The following HDGFL3 variants were observed in gnomAD, a reference collection of about 807,000 sequenced individuals.
The protein encoded by HDGFL3 is hepatoma-derived growth factor-related protein 3.
In HDGFL3, 6 loss-of-function variants were observed where a neutral mutation model predicts 27.6. The observed-to-expected ratio is 0.22, with a 90% confidence interval of 0.12 to 0.43. The LOEUF (loss-of-function observed/expected upper bound fraction) is 0.43, where lower values mean the gene tolerates loss of function less well. Ranked by LOEUF, HDGFL3 falls within the 20% of genes least tolerant of loss-of-function variation. The pLI is 1.00. For missense variants in HDGFL3, 207 were observed against 250.1 expected (o/e 0.83, Z 1.16); for synonymous variants, 88 against 88.9 (o/e 0.99, Z 0.05).
intron 3 of HDGFL3, among the ~76,000 whole-genome samples, chr15:83,121,294 C>T (rs2035224477): frequency 6.6e-6 from 1 of 150,510 alleles, no homozygotes. Context: ...GTTGGCCAGG[C>T]TGGTTTCAAA....
At chr15:83,175,464 G>T (rs2037297463) in intron 1 of HDGFL3, among the ~76,000 whole-genome samples, 1 of 152,184 alleles carries the variant, frequency 6.6e-6, no homozygotes. Context: ...CTTCTGGAGT[G>T]ATTATCAAGT....
intron 1 of HDGFL3, among the ~76,000 whole-genome samples, chr15:83,196,818 GA>G (rs2037575816): frequency 6.6e-6 from 1 of 152,186 alleles, no homozygotes; most frequent in African/African-American, 2.4e-5. Flanking sequence ...ATAAGCAAAA[GA>G]TAGGAAGGTG....
chr15:83,119,149 C>T (rs548803348), intron 3 of HDGFL3, among the ~76,000 whole-genome samples: 1 of 152,224 alleles, frequency 6.6e-6, no homozygotes, highest in South Asian at 2.1e-4. Context: ...GCCCAGCAAG[C>T]CACGGGATCA....
intron 1 of HDGFL3, among the ~76,000 whole-genome samples, chr15:83,198,496 A>ATCTTTTC (rs1416836743): frequency 6.6e-6 from 1 of 152,196 alleles, no homozygotes; most frequent in East Asian, 1.9e-4. Context: ...ACAACTTGAA[A>ATCTTTTC]ATTTTTTTGT....
chr15:83,166,609 C>T (rs887786998), intron 1 of HDGFL3, among the ~76,000 whole-genome samples: 7 of 152,088 alleles, frequency 4.6e-5, no homozygotes, highest in Admixed American at 2.6e-4. Context: ...AAGAAGAACC[C>T]GAGACAGGGT....
chr15:83,142,806 C>T (rs2036804131), intron 5 of HDGFL3, among the ~76,000 whole-genome samples: 1 of 152,010 alleles, frequency 6.6e-6, no homozygotes, highest in Admixed American at 6.6e-5. Context: ...ATCTAGTTGT[C>T]TTCTATCAAA....
chr15:83,165,667 C>CTA (rs777224308), intron 1 of HDGFL3, among the ~76,000 whole-genome samples: 9 of 151,850 alleles, frequency 5.9e-5, no homozygotes, highest in Non-Finnish European at 1.3e-4. Context: ...TGGTGATGGG[C>CTA]ACCTGTAGTC....
rs142520538 is a variant in HDGFL3 at position 83,186,448 on chromosome 15, A to G, written c.84+20883T>C. Reference sequence around the variant, plus strand: ...GTCTCATTTAGTTTATACTCAAACTACTGGTTAAAGATGGAAGGCTAAGAC... The same window carrying G: ...GTCTCATTTAGTTTATACTCAAACTGCTGGTTAAAGATGGAAGGCTAAGAC... On this transcript the variant is annotated intron_variant, in intron 1 of 5. Coordinates refer to ENST00000299633, the MANE Select transcript of HDGFL3 (RefSeq NM_016073.4). 7.1e-3 allele frequency among the ~76,000 whole-genome samples: 1,084 copies of G among 152,304 alleles called. 4 individuals carry two copies. The highest frequency in any genetic ancestry group is 0.014 in the Middle Eastern group (4 of 294).
At chr15:83,158,968 C>T (rs1411456145) in intron 2 of HDGFL3, among the ~76,000 whole-genome samples, 2 of 151,934 alleles carry the variant, frequency 1.3e-5, no homozygotes, top group Non-Finnish European at 2.9e-5. Flanking sequence ...CTCAGCCTTC[C>T]AAGTAGGGGA....
chr15:83,122,329 A>G (rs2035337101), intron 3 of HDGFL3, among the ~76,000 whole-genome samples: 1 of 152,114 alleles, frequency 6.6e-6, no homozygotes, highest in East Asian at 1.9e-4. Flanking sequence ...CACTATGAGA[A>G]CTCCAAAAAT....
intron 4 of HDGFL3, among the ~76,000 whole-genome samples, chr15:83,155,883 C>T (rs1273056936): frequency 6.6e-6 from 1 of 152,152 alleles, no homozygotes; most frequent in Non-Finnish European, 1.5e-5. Context: ...ATCCATTTAT[C>T]TTGCTTTCAG....
intron 5 of HDGFL3, among the ~76,000 whole-genome samples, chr15:83,140,870 C>G (rs2151392876): frequency 6.6e-6 from 1 of 152,270 alleles, no homozygotes; most frequent in African/African-American, 2.4e-5. Context: ...ACAGTAAAAA[C>G]TACTCAATCC....
chr15:83,191,627 A>T (rs576835397), intron 1 of HDGFL3, among the ~76,000 whole-genome samples: 18 of 152,212 alleles, frequency 1.2e-4, no homozygotes, highest in Non-Finnish European at 1.9e-4. Flanking sequence ...ACATGTTATA[A>T]ACCTTGTCAA....
At chr15:83,157,634 T>C in intron 3 of HDGFL3, 61 bp from the exon 4 acceptor site, 2 of 1,409,034 alleles carry the variant, frequency 1.4e-6, no homozygotes, top group Admixed American at 1.9e-5. Context: ...GAACAAACAC[T>C]GAAAAGAACT....
At chr15:83,112,941 A>G in exon 4 of HDGFL3, 1 of 1,457,484 alleles carries the variant, frequency 6.9e-7, no homozygotes, top group Non-Finnish European at 9.6e-7. Context: ...TCTGATTAAT[A>G]ACACAATACT....
rs1478359790 is a variant in HDGFL3 at position 83,128,206 on chromosome 15, A to G, written c.*11064T>C. 6.6e-6 allele frequency: 1 copy of G among 152,308 alleles called. No homozygotes were observed. Among genetic ancestry groups the G allele is most frequent in the Non-Finnish European group, 1.5e-5 (1 of 68,086 alleles). The allele number at this position is 152,308 out of a possible 1,614,324, so 9.4% of individuals were successfully genotyped here. Reference sequence around the variant, plus strand: ...GCAGTTATAAGAATGAGGTTCATCTAGAAACTGTAGGCTTGTACAGTCAAT... The same window carrying G: ...GCAGTTATAAGAATGAGGTTCATCTGGAAACTGTAGGCTTGTACAGTCAAT... On this transcript the variant is annotated 3_prime_UTR_variant, in exon 6 of 6. Coordinates refer to ENST00000299633, the MANE Select transcript of HDGFL3 (RefSeq NM_016073.4).
downstream of HDGFL3, chr15:83,127,733 C>T (rs953712796): frequency 1.4e-5 from 5 of 367,422 alleles, no homozygotes; most frequent in Admixed American, 1.5e-4. Context: ...AATGATTTGC[C>T]CAAGGTTACA....
intron 3 of HDGFL3, among the ~76,000 whole-genome samples, chr15:83,118,839 A>C (rs1388065874): frequency 6.6e-6 from 1 of 152,222 alleles, no homozygotes; most frequent in Non-Finnish European, 1.5e-5. Context: ...GCCACCTGGA[A>C]ATGTAACCAC....
chr15:83,143,524 G>A (rs1200813633), intron 5 of HDGFL3, among the ~76,000 whole-genome samples: 4 of 152,208 alleles, frequency 2.6e-5, no homozygotes, highest in Non-Finnish European at 4.4e-5. Flanking sequence ...GGAGGTTGCA[G>A]TGAGCTAAGA....
Sources: allele counts gnomAD v4.1 joint callset (sites outside exome capture counted in the v4.1 genomes callset), GRCh38; gene constraint gnomAD v4.1.1; transcripts MANE v1.5; gene names NCBI Gene and HGNC (gene_info 2026-07-23, HGNC 2026-07-21).